The following RASAL2 variants were observed in gnomAD, a reference collection of about 807,000 sequenced individuals.
RASAL2 encodes the protein RAS protein activator like 2.
Under a neutral mutation model 128.9 loss-of-function variants are expected in RASAL2, and 58 were observed. The observed-to-expected ratio is 0.45, with a 90% CI of 0.36 to 0.56. The LOEUF is 0.56. RASAL2 is among the 20% of genes least tolerant of loss of function. The pLI, the probability that RASAL2 is intolerant of heterozygous loss-of-function variation, is 0.00. For missense variants in RASAL2, 1,360 were observed against 1,601.6 expected (o/e 0.85, Z 2.57); for synonymous variants, 561 against 580.8 (o/e 0.97, Z 0.49).
intron 1 of RASAL2, among the ~76,000 whole-genome samples, chr1:178,273,920 G>C (rs190226423): frequency 9.3e-4 from 141 of 152,214 alleles, no homozygotes; most frequent in Non-Finnish European, 4.7e-4. Flanking sequence ...TGTGCTCATC[G>C]AATTGGGTTA....
chr1:178,239,981 G>A lies in RASAL2; in HGVS notation c.203-43583G>A, dbSNP rs138346612. On this transcript the variant is annotated intron_variant, in intron 1 of 17. Coordinates refer to ENST00000367649, the MANE Select transcript of RASAL2 (RefSeq NM_170692.4). ...ATTTTATAAATTTTTTAACATTGTG[G>A]TGCCTTGCTATCCCTTAGCCTATAA... Among the ~76,000 whole-genome samples the A allele has an allele frequency of 2.9e-3, 436 of 151,992 alleles. 8 individuals are homozygous for A. The East Asian group carries it at 0.038, about 13-fold the overall frequency.
chr1:178,346,811 A>G (rs961439075), intron 3 of RASAL2, among the ~76,000 whole-genome samples: 1 of 152,234 alleles, frequency 6.6e-6, no homozygotes, highest in Admixed American at 6.5e-5. Flanking sequence ...GTTAACTGCT[A>G]TCATTACAAG....
At chr1:178,365,032 C>CATGTTTTACAG (rs1481324113) in intron 3 of RASAL2, among the ~76,000 whole-genome samples, 1 of 151,482 alleles carries the variant, frequency 6.6e-6, no homozygotes, top group Admixed American at 6.6e-5. Flanking sequence ...CTGTTGAGCA[C>CATGTTTTACAG]ATGTTTTATA....
chr1:178,418,025 G>A (rs1674884756), intron 4 of RASAL2, among the ~76,000 whole-genome samples: 1 of 151,980 alleles, frequency 6.6e-6, no homozygotes, highest in Non-Finnish European at 1.5e-5. Context: ...ATAGAAAATA[G>A]TACATAAAGC....
intron 3 of RASAL2, among the ~76,000 whole-genome samples, chr1:178,364,462 C>T (rs1360461373): frequency 6.6e-6 from 1 of 152,138 alleles, no homozygotes; most frequent in Non-Finnish European, 1.5e-5. Context: ...TTACTACAAC[C>T]TTGTAGGGTT....
At chr1:178,457,561 TTCCAAAGAAATGTACGTA>T in intron 13 of RASAL2, 104 bp from the exon 14 acceptor site, 2 of 1,011,648 alleles carry the variant, frequency 2.0e-6, no homozygotes, top group Non-Finnish European at 2.9e-6. Context: ...AAATCTGAGT[TTCCAAAGAAATGTACGTA>T]TCCACATAAG....
chr1:178,341,592 C>G, intron 3 of RASAL2: 1 of 1,613,996 alleles, frequency 6.2e-7, no homozygotes, highest in Non-Finnish European at 8.5e-7. Flanking sequence ...AGAAACTTCA[C>G]ACGATGCAGA....
Position 178,275,854 on chromosome 1 carries a change from C to T in RASAL2, c.203-7710C>T, listed in dbSNP as rs1030631406. On this transcript the variant is annotated intron_variant, in intron 1 of 17. Coordinates refer to ENST00000367649, the MANE Select transcript of RASAL2 (RefSeq NM_170692.4). The stretch of plus-strand genomic sequence containing the variant: ...GAGCATAGTGGATTTACTAACTAGA[C>T]ACCAGTGATCAAGTAGGTCGGAAAT... Among the ~76,000 whole-genome samples, 46 of 152,298 alleles carry T rather than the reference C, an allele frequency of 3.0e-4. 1 individual carries two copies. The highest frequency in any genetic ancestry group is 3.9e-4 in the East Asian group (2 of 5,188).
At chr1:178,349,208 C>G (rs867389227) in intron 3 of RASAL2, among the ~76,000 whole-genome samples, 1 of 146,030 alleles carries the variant, frequency 6.8e-6, no homozygotes, top group African/African-American at 2.6e-5. Context: ...ATCACCAGGT[C>G]AGGAGATCGA....
intron 4 of RASAL2, among the ~76,000 whole-genome samples, chr1:178,404,815 G>A (rs1673893994): frequency 6.6e-6 from 1 of 150,712 alleles, no homozygotes; most frequent in African/African-American, 2.4e-5. Flanking sequence ...CTGAGTAGCC[G>A]GGTCTGCAGG....
intron 1 of RASAL2, among the ~76,000 whole-genome samples, chr1:178,241,917 G>T (rs1033543701): frequency 6.6e-6 from 1 of 152,170 alleles, no homozygotes; most frequent in Non-Finnish European, 1.5e-5. Flanking sequence ...TGCTATGGTG[G>T]TGTTTACCTC....
At chr1:178,294,412 A>G (rs1205568686) in intron 2 of RASAL2, among the ~76,000 whole-genome samples, 1 of 152,190 alleles carries the variant, frequency 6.6e-6, no homozygotes, top group Non-Finnish European at 1.5e-5. Flanking sequence ...TTTTGGAACT[A>G]TTATGATAAC....
At chr1:178,469,887 A>G (rs1400355447) in intron 17 of RASAL2, among the ~76,000 whole-genome samples, 1 of 152,224 alleles carries the variant, frequency 6.6e-6, no homozygotes, top group African/African-American at 2.4e-5. Flanking sequence ...GTGGATCCCT[A>G]AAGAATAGTT....
chr1:178,131,830 T>C (rs775528103), intron 1 of RASAL2, among the ~76,000 whole-genome samples: 24 of 152,184 alleles, frequency 1.6e-4, no homozygotes, highest in Non-Finnish European at 1.0e-4. Context: ...TTAAATATTA[T>C]ACTGTATTAA....
At chr1:178,319,093 C>A (rs1668627655) in intron 3 of RASAL2, among the ~76,000 whole-genome samples, 1 of 152,106 alleles carries the variant, frequency 6.6e-6, no homozygotes, top group Non-Finnish European at 1.5e-5. Context: ...GTTGAAAATT[C>A]TTTTCTTTAA....
At chr1:178,162,884 G>C (rs1313115880) in intron 1 of RASAL2, among the ~76,000 whole-genome samples, 1 of 151,336 alleles carries the variant, frequency 6.6e-6, no homozygotes, top group Non-Finnish European at 1.5e-5. Context: ...GCCCAGCTGA[G>C]ATTTCTTTAT....
intron 3 of RASAL2, among the ~76,000 whole-genome samples, chr1:178,329,167 C>T (rs1004917596): frequency 1.3e-5 from 2 of 152,022 alleles, no homozygotes; most frequent in African/African-American, 4.8e-5. Flanking sequence ...AACACCTTTA[C>T]AATATACCGC....
intron 5 of RASAL2, among the ~76,000 whole-genome samples, chr1:178,436,718 A>G (rs2102819285): frequency 6.6e-6 from 1 of 152,118 alleles, no homozygotes; most frequent in South Asian, 2.1e-4. Context: ...AGTCCCTAGT[A>G]GAGGTTTTAC....
At chr1:178,403,964 C>T (rs1446389015) in intron 4 of RASAL2, among the ~76,000 whole-genome samples, 7 of 152,134 alleles carry the variant, frequency 4.6e-5, no homozygotes, top group African/African-American at 9.7e-5. Context: ...CGGTGGCTCA[C>T]GCCTCTAACC....
Sources: allele counts gnomAD v4.1 joint callset (sites outside exome capture counted in the v4.1 genomes callset), GRCh38; gene constraint gnomAD v4.1.1; transcripts MANE v1.5; gene names NCBI Gene and HGNC (gene_info 2026-07-23, HGNC 2026-07-21).